Variants in STIM1 observed in about 807,000 individuals in gnomAD.
The protein encoded by STIM1 is stromal interaction molecule 1.
A neutral mutation model predicts 74.7 loss-of-function variants in STIM1; 25 were observed. The ratio of observed to expected loss-of-function variants is 0.33; its 90% CI spans 0.24 to 0.47. STIM1 has a LOEUF of 0.47. STIM1 is among the 20% of genes least tolerant of loss of function. The pLI, the probability that STIM1 is intolerant of heterozygous loss-of-function variation, is 1.00. For missense variants in STIM1, 728 were observed against 920.8 expected (o/e 0.79, Z 2.71); for synonymous variants, 328 against 348.8 (o/e 0.94, Z 0.66).
intron 2 of STIM1, among the ~76,000 whole-genome samples, chr11:4,022,842 C>G (rs1257149982): frequency 1.3e-5 from 2 of 152,208 alleles, no homozygotes; most frequent in Non-Finnish European, 2.9e-5. Flanking sequence ...CTCAGGGCCC[C>G]TCAGGGCCCA....
chr11:4,013,690 CTTTTTTTTTTTTTTTT>C (rs1169600270), intron 2 of STIM1, among the ~76,000 whole-genome samples: 27 of 51,926 alleles, frequency 5.2e-4, no homozygotes, highest in Admixed American at 3.7e-3. Flanking sequence ...TCATTGATTT[CTTTTTTTTTTTTTTTT>C]TTTTTTTTTT....
chr11:3,955,227 A>G (rs2093196673), intron 1 of STIM1, among the ~76,000 whole-genome samples: 1 of 152,200 alleles, frequency 6.6e-6, no homozygotes, highest in Admixed American at 6.5e-5. Context: ...AGGGAGAATG[A>G]GGGTTGGCAG....
Position 3,892,982 on chromosome 11 carries a change from C to G in STIM1, c.139+36573C>G. 5.1e-6 allele frequency: 4 copies of G among 782,932 alleles called. No individual in the cohort carries two copies. The Admixed American group carries it at 9.7e-5, about 19-fold the overall frequency. The allele number at this position is 782,932 out of a possible 1,614,324, so 48.5% of individuals were successfully genotyped here. Reference sequence around the variant, plus strand: ...ATGGGGTTTTGCCATGTTGCCCAGGCTGGTCTTGAACTCCTGAGCTCAAGC... The same window carrying G: ...ATGGGGTTTTGCCATGTTGCCCAGGGTGGTCTTGAACTCCTGAGCTCAAGC... On this transcript the variant is annotated intron_variant, in intron 1 of 12. Coordinates refer to ENST00000526596, the MANE Select transcript of STIM1 (RefSeq NM_001382567.1).
chr11:3,965,868 G>A (rs529957842), intron 1 of STIM1, among the ~76,000 whole-genome samples: 6 of 152,096 alleles, frequency 3.9e-5, no homozygotes, highest in Admixed American at 1.3e-4. Flanking sequence ...TTAGCCGGGC[G>A]TGGTGGCGCA....
At chr11:4,090,283 G>A (rs546361476) in intron 12 of STIM1, among the ~76,000 whole-genome samples, 14 of 152,276 alleles carry the variant, frequency 9.2e-5, no homozygotes, top group Non-Finnish European at 1.5e-4. Context: ...TTAAGGACTA[G>A]CAAGTTTAGA....
At chr11:4,055,305 G>T (rs1444575961) in intron 3 of STIM1, among the ~76,000 whole-genome samples, 1 of 152,048 alleles carries the variant, frequency 6.6e-6, no homozygotes, top group East Asian at 1.9e-4. Context: ...TCCCTTCCTG[G>T]CTCCAGCTAA....
chr11:3,995,511 T>C (rs1003328667), intron 2 of STIM1, among the ~76,000 whole-genome samples: 3 of 152,208 alleles, frequency 2.0e-5, no homozygotes, highest in Non-Finnish European at 4.4e-5. Flanking sequence ...GCTTTTTAGG[T>C]TCACTAATTG....
chr11:3,988,424 C>G (rs564924608), intron 2 of STIM1, among the ~76,000 whole-genome samples: 27 of 152,106 alleles, frequency 1.8e-4, no homozygotes, highest in African/African-American at 6.5e-4. Context: ...TCTTAACATA[C>G]GTACCGAAAA....
At chr11:3,967,113 G>A (rs770735863) in intron 1 of STIM1, among the ~76,000 whole-genome samples, 2 of 152,204 alleles carry the variant, frequency 1.3e-5, no homozygotes, top group Non-Finnish European at 1.5e-5. Flanking sequence ...ATTGGCTGTT[G>A]TTCTGTTTCC....
intron 1 of STIM1, among the ~76,000 whole-genome samples, chr11:3,924,837 A>G (rs536791437): frequency 1.3e-5 from 2 of 152,334 alleles, no homozygotes; most frequent in South Asian, 4.1e-4. Context: ...TATTTCAACT[A>G]AGAAAGTCTT....
chr11:4,052,685 C>T (rs1236963440), intron 3 of STIM1, among the ~76,000 whole-genome samples: 1 of 152,182 alleles, frequency 6.6e-6, no homozygotes, highest in Non-Finnish European at 1.5e-5. Context: ...TGGGCAAGGA[C>T]TTCATGTCTA....
chr11:3,904,183 TGA>T (rs1426472171), intron 1 of STIM1, among the ~76,000 whole-genome samples: 1 of 98,412 alleles, frequency 1.0e-5, no homozygotes, highest in African/African-American at 4.1e-5. Context: ...GGTGACAGAG[TGA>T]GACTCTGTCT....
intron 2 of STIM1, chr11:3,974,209 A>T (rs996984046): frequency 1.2e-4 from 58 of 497,262 alleles, no homozygotes; most frequent in African/African-American, 1.1e-3. Flanking sequence ...AGCTGTTGGG[A>T]CTACTTAAGA....
intron 1 of STIM1, among the ~76,000 whole-genome samples, chr11:3,937,327 G>A (rs2092946757): frequency 9.3e-6 from 1 of 108,068 alleles, no homozygotes; most frequent in Admixed American, 9.1e-5. Context: ...TAAAATATCT[G>A]GAATGAGTGT....
intron 1 of STIM1, among the ~76,000 whole-genome samples, chr11:3,906,556 A>G (rs1024260766): frequency 6.6e-6 from 1 of 152,360 alleles, no homozygotes; most frequent in Non-Finnish European, 1.5e-5. Context: ...ATGATGTTTT[A>G]ATTATAAAAT....
chr11:3,992,254 A>G (rs2093623826), intron 2 of STIM1, among the ~76,000 whole-genome samples: 1 of 151,296 alleles, frequency 6.6e-6, no homozygotes, highest in African/African-American at 2.4e-5. Context: ...ACAAAAAAAA[A>G]AACACAAAAA....
chr11:4,036,934 A>G (rs2094108315), intron 3 of STIM1, among the ~76,000 whole-genome samples: 1 of 152,232 alleles, frequency 6.6e-6, no homozygotes, highest in Non-Finnish European at 1.5e-5. Context: ...CATCGGAGTG[A>G]ACAGGCAACC....
chr11:4,045,806 C>T (rs1424691928), intron 3 of STIM1, among the ~76,000 whole-genome samples: 2 of 133,858 alleles, frequency 1.5e-5, no homozygotes, highest in African/African-American at 2.7e-5. Flanking sequence ...TGCTCTGTTG[C>T]CCAGGCTGGA....
chr11:4,086,449 C>A (rs781454944), intron 11 of STIM1, 28 bp from the exon 12 acceptor site: 13 of 1,612,620 alleles, frequency 8.1e-6, no homozygotes, highest in Non-Finnish European at 1.1e-5. Context: ...GCTGGCCCCT[C>A]CTGACACTTT....
Sources: gnomAD v4.1 joint callset for allele counts (sites outside exome capture counted in the v4.1 genomes callset) on GRCh38, gnomAD v4.1.1 for gene constraint, MANE v1.5 for transcripts, NCBI Gene and HGNC (gene_info 2026-07-23, HGNC 2026-07-21) for gene names.